The following ARMC9 variants were observed in gnomAD, a reference collection of about 807,000 sequenced individuals.
ARMC9 encodes the protein lisH domain-containing protein ARMC9.
ARMC9 carries 94 observed loss-of-function variants against 107.0 expected under a neutral mutation model. The observed-to-expected ratio is 0.88, with a 90% CI of 0.74 to 1.04. ARMC9 has a LOEUF of 1.04. ARMC9 is among the 50% of genes least tolerant of loss of function. The probability of loss-of-function intolerance (pLI) is 0.00; values close to 1 mark genes in which losing one functional copy is unlikely to be tolerated. For synonymous variants in ARMC9, 380 were observed against 396.9 expected (o/e 0.96, Z 0.51); for missense variants, 942 against 1,030.1 (o/e 0.91, Z 1.17).
chr2:231,253,641 T>A (rs1179525144), intron 9 of ARMC9, among the ~76,000 whole-genome samples: 1 of 152,208 alleles, frequency 6.6e-6, no homozygotes, highest in African/African-American at 2.4e-5. Context: ...AAGTGCAGGT[T>A]CTGGTTCAGG....
rs549724743 is a variant in ARMC9, at chr2:231,206,522, G to A, written c.51+233G>A. ...AATTATAAAAGCAATACACGTCCAC[G>A]GTAAAAGATTCAAGCACTACAGAAG... On this transcript the variant is annotated intron_variant, in intron 2 of 24. Coordinates refer to ENST00000611582, the MANE Select transcript of ARMC9 (RefSeq NM_001352754.2). Among the ~76,000 whole-genome samples the A allele has an allele frequency of 1.8e-4, 28 of 152,196 alleles. No homozygotes were observed. In the Middle Eastern group the frequency reaches 0.01, roughly 55 times the overall value.
chr2:231,372,521 C>G lies in ARMC9; in HGVS notation c.*986C>G, dbSNP rs914727719. ...GCACTGGGACCATAAACATAAACAG[C>G]TCTACCAGCAAAGTGACCCATCCCG... On this transcript the variant is annotated 3_prime_UTR_variant, in exon 25 of 25. Transcript: ENST00000611582. 4 of 152,340 alleles carry G rather than the reference C, an allele frequency of 2.6e-5. No homozygotes were observed. The highest frequency in any genetic ancestry group is 1.5e-5 in the Non-Finnish European group (1 of 68,160). 9.4% of individuals were successfully genotyped at this position (152,340 alleles called of 1,614,324 possible). A position where few individuals can be genotyped will look rare whatever the true frequency, so the allele number is the denominator to read the frequency against.
chr2:231,284,393 A>G (rs1250578210), intron 17 of ARMC9, among the ~76,000 whole-genome samples: 1 of 152,246 alleles, frequency 6.6e-6, no homozygotes, highest in African/African-American at 2.4e-5. Flanking sequence ...TCTGTGGGAC[A>G]AACATTCAAG....
intron 23 of ARMC9, among the ~76,000 whole-genome samples, chr2:231,361,232 T>G (rs1289075639): frequency 6.6e-6 from 1 of 151,744 alleles, no homozygotes; most frequent in Non-Finnish European, 1.5e-5. Flanking sequence ...TTGGAGGAAG[T>G]GGGCTGTAGG....
Position 231,222,737 on chromosome 2 carries a change from A to T in ARMC9, c.514A>T (p.Thr172Ser). The T allele has an allele frequency of 6.5e-7, 1 of 1,545,300 alleles. No homozygotes were observed. The change falls in exon 6 of 25, where the codon ACT becomes TCT. Residue 172 changes from threonine to serine, a missense_variant. Thr to Ser is a moderately conservative substitution (Grantham distance 58). Transcript: ENST00000611582. Reference sequence around the variant, plus strand: ...TCCCTTTTTTCTTTAGGATTCCTGGACTCCAGAGTTAAAGTTGAAGTTGAT... The same window carrying T: ...TCCCTTTTTTCTTTAGGATTCCTGGTCTCCAGAGTTAAAGTTGAAGTTGAT... ...SFKELFQDSW[T>S]PELKLKLIKF... is the part of the protein sequence containing the mutation.
In ARMC9 at chr2:231,362,681, T is replaced by C. The variant is rs59199732; in HGVS notation, c.2261+1798T>C. 0.16 allele frequency: 23,703 copies of C among 152,538 alleles called. 4,136 individuals carry two copies. Among genetic ancestry groups the C allele is most frequent in the African/African-American group, 0.43 (17,744 of 40,878 alleles). 9.4% of individuals were successfully genotyped at this position (152,538 alleles called of 1,614,324 possible). A position where few individuals can be genotyped will look rare whatever the true frequency, so the allele number is the denominator to read the frequency against. Reference sequence around the variant, plus strand: ...AGAAGTACAAGTTGTTCCATCTTCCTCTTCCTCCCTCACTGGCAACGTCAT... The same window carrying C: ...AGAAGTACAAGTTGTTCCATCTTCCCCTTCCTCCCTCACTGGCAACGTCAT... On this transcript the variant is annotated intron_variant, in intron 23 of 24. Coordinates refer to ENST00000611582, the MANE Select transcript of ARMC9 (RefSeq NM_001352754.2). The surrounding 1 kb of genome is among the most constrained non-coding windows in gnomAD (Gnocchi z 4.7).
rs2125404393 is a variant in ARMC9 at position 231,256,638 on chromosome 2, G to C, written c.914+18G>C. The C allele has an allele frequency of 6.2e-7, 1 of 1,611,852 alleles. No individual in the cohort carries two copies. Among genetic ancestry groups the C allele is most frequent in the South Asian group, 1.1e-5 (1 of 91,032 alleles). On this transcript the variant is annotated intron_variant, in intron 10 of 24. Coordinates refer to ENST00000611582, the MANE Select transcript of ARMC9 (RefSeq NM_001352754.2). ...GCACCCGTGTAAGTAACTGCTCTTA[G>C]GAATTTTTATTAAGGAGAACAGCAA...
intron 14 of ARMC9, 30 bp downstream of exon 14, chr2:231,273,108 T>C: frequency 6.3e-7 from 1 of 1,591,336 alleles, no homozygotes; most frequent in East Asian, 2.2e-5. Flanking sequence ...TCACGGTGTC[T>C]CCTGTGAGAT....
chr2:231,349,401 G>C (rs1441960457), intron 21 of ARMC9, among the ~76,000 whole-genome samples: 1 of 152,036 alleles, frequency 6.6e-6, no homozygotes, highest in Non-Finnish European at 1.5e-5. Context: ...ATAGAGAGTA[G>C]AAGGATGGTT....
intron 20 of ARMC9, among the ~76,000 whole-genome samples, chr2:231,332,133 T>C (rs925806896): frequency 1.3e-5 from 2 of 152,226 alleles, no homozygotes; most frequent in Non-Finnish European, 2.9e-5. Flanking sequence ...AGAAGGCATA[T>C]GCCAGGGGCC....
intron 19 of ARMC9, among the ~76,000 whole-genome samples, chr2:231,324,089 C>T (rs915477967): frequency 3.1e-4 from 46 of 150,216 alleles, no homozygotes; most frequent in African/African-American, 9.1e-4. Context: ...TTAGGGAGGG[C>T]CTATCAATTC....
In ARMC9 at chr2:231,235,369, C is replaced by G; in HGVS notation, c.768C>G (p.Val256=). Reference sequence around the variant, plus strand: ...TGGTGGATTCTCTAGAGGCCACAGTCAGCGGCAAGATGGTAAGGAAGATCC... The same window carrying G: ...TGGTGGATTCTCTAGAGGCCACAGTGAGCGGCAAGATGGTAAGGAAGATCC... ...AELVDSLEAT[V]SGKMITPEYL... Residue 256 remains valine, a synonymous_variant, in exon 8 of 25, where the codon GTC becomes GTG. Transcript: ENST00000611582. 1.2e-6 allele frequency: 2 copies of G among 1,614,036 alleles called. No homozygotes were observed. The highest frequency in any genetic ancestry group is 1.7e-6 in the Non-Finnish European group (2 of 1,179,990).
chr2:231,340,845 G>A (rs1461792010), intron 20 of ARMC9, among the ~76,000 whole-genome samples: 5 of 152,100 alleles, frequency 3.3e-5, no homozygotes, highest in East Asian at 1.9e-4. Flanking sequence ...CCAAGATCGC[G>A]CCACTGTACT....
At chr2:231,224,089 A>G (rs1299884157) in intron 6 of ARMC9, among the ~76,000 whole-genome samples, 6 of 152,218 alleles carry the variant, frequency 3.9e-5, no homozygotes, top group Non-Finnish European at 5.9e-5. Context: ...TATGTTAAGA[A>G]TCTAATCAAA....
rs551297883 is a variant in ARMC9, at chr2:231,210,721, G to A, written c.177+2469G>A. Among the ~76,000 whole-genome samples the A allele has an allele frequency of 2.0e-4, 31 of 152,316 alleles. No individual in the cohort carries two copies. In the South Asian group the frequency reaches 6.4e-3, roughly 32 times the overall value. ...TCGCATTTCAGCTCCAGCTGCATCTGAGAACACTCAAATGTCTCTTTAGGT... is the reference window on the plus strand; with the variant it reads ...TCGCATTTCAGCTCCAGCTGCATCTAAGAACACTCAAATGTCTCTTTAGGT... On this transcript the variant is annotated intron_variant, in intron 3 of 24. Coordinates refer to ENST00000611582, the MANE Select transcript of ARMC9 (RefSeq NM_001352754.2).
intron 7 of ARMC9, among the ~76,000 whole-genome samples, chr2:231,228,179 A>T (rs1455221410): frequency 1.3e-5 from 2 of 152,132 alleles, no homozygotes; most frequent in Non-Finnish European, 2.9e-5. Flanking sequence ...GGGACTTTGG[A>T]TCTTGCCCTG....
At chr2:231,327,551 G>A (rs1036235366) in intron 19 of ARMC9, among the ~76,000 whole-genome samples, 2 of 152,140 alleles carry the variant, frequency 1.3e-5, no homozygotes, top group Admixed American at 1.3e-4. Context: ...TGGTGTGTAT[G>A]TACCACATTT....
At chr2:231,364,497 C>T (rs909274326) in intron 23 of ARMC9, among the ~76,000 whole-genome samples, 3 of 152,184 alleles carry the variant, frequency 2.0e-5, no homozygotes, top group African/African-American at 4.8e-5. Flanking sequence ...CCCAATGGCA[C>T]ATTCATGCAT....
chr2:231,366,440 A>G (rs527851938), intron 23 of ARMC9, among the ~76,000 whole-genome samples: 1 of 152,338 alleles, frequency 6.6e-6, no homozygotes, highest in African/African-American at 2.4e-5. Context: ...GCTTATGCTT[A>G]TAATCCTGGC....
Sources: allele counts gnomAD v4.1 joint callset (sites outside exome capture counted in the v4.1 genomes callset), GRCh38; gene constraint gnomAD v4.1.1; non-coding constraint Gnocchi (gnomAD v3.1); transcripts MANE v1.5; gene names NCBI Gene and HGNC (gene_info 2026-07-23, HGNC 2026-07-21).